The following CPEB4 variants were observed in gnomAD, a reference collection of about 807,000 sequenced individuals.
The protein encoded by CPEB4 is cytoplasmic polyadenylation element binding protein 4.
CPEB4 carries 12 observed loss-of-function variants against 72.5 expected under a neutral mutation model. That is an observed-to-expected ratio of 0.17 (90% CI 0.11 to 0.27). The LOEUF (loss-of-function observed/expected upper bound fraction) is 0.27, where lower values mean the gene tolerates loss of function less well. CPEB4 is among the 10% of genes least tolerant of loss of function. The probability of loss-of-function intolerance (pLI) is 1.00; values close to 1 mark genes in which losing one functional copy is unlikely to be tolerated. For missense variants in CPEB4, 614 were observed against 908.5 expected (o/e 0.68, Z 4.17); for synonymous variants, 302 against 326.3 (o/e 0.93, Z 0.80).
intron 2 of CPEB4, among the ~76,000 whole-genome samples, chr5:173,927,870 A>G (rs1225392810): frequency 6.6e-6 from 1 of 152,232 alleles, no homozygotes; most frequent in East Asian, 1.9e-4. Context: ...GGCTTTATTC[A>G]TAATTGTCAA....
chr5:173,936,577 A>G (rs1447969052), intron 3 of CPEB4, among the ~76,000 whole-genome samples: 2 of 152,172 alleles, frequency 1.3e-5, no homozygotes, highest in Non-Finnish European at 2.9e-5. Context: ...TGTAGTAGGG[A>G]TATAGTTAGA....
intron 2 of CPEB4, among the ~76,000 whole-genome samples, chr5:173,922,845 A>C (rs1290282367): frequency 6.6e-6 from 1 of 152,228 alleles, no homozygotes; most frequent in Non-Finnish European, 1.5e-5. Flanking sequence ...CAACAAATAT[A>C]CATCAGGCAT....
chr5:173,932,476 T>C lies in CPEB4; in HGVS notation c.1234T>C (p.Ser412Pro). 1 of 1,612,842 alleles carries C rather than the reference T, an allele frequency of 6.2e-7. No individual in the cohort carries two copies. Among genetic ancestry groups the C allele is most frequent in the Non-Finnish European group, 8.5e-7 (1 of 1,179,340 alleles). The change falls in exon 3 of 10, where the codon TCC becomes CCC. Residue 412 changes from serine (S) to proline (P), a missense_variant. Around this residue, in one of 5 missense-constraint regions of CPEB4, gnomAD observed 458 missense variants for 548.6 expected, o/e 0.83. Coordinates refer to ENST00000265085, the MANE Select transcript of CPEB4 (RefSeq NM_030627.4). ...TCGTCTAAACTATTCATATCCAGGA[T>C]CCGATAGCTCTCTGCTTATTAATGG... ...KGRLNYSYPG[S>P]DSSLLINART...
chr5:173,901,140 G>T (rs1332003508), intron 1 of CPEB4, among the ~76,000 whole-genome samples: 7 of 152,150 alleles, frequency 4.6e-5, no homozygotes, highest in Non-Finnish European at 8.8e-5. Flanking sequence ...GACAAGAAAT[G>T]TTTATCATTT....
At chr5:173,891,680 A>T (rs1755817000) in intron 1 of CPEB4, 1 of 152,156 alleles carries the variant, frequency 6.6e-6, no homozygotes, top group Non-Finnish European at 1.5e-5. Flanking sequence ...AGAGTCATTG[A>T]TGTTTTTGAA....
At chr5:173,942,477 T>C (rs886371681) in intron 3 of CPEB4, among the ~76,000 whole-genome samples, 9 of 152,238 alleles carry the variant, frequency 5.9e-5, no homozygotes, top group Non-Finnish European at 8.8e-5. Context: ...TAGGACTTGG[T>C]AGAAGACTTG....
chr5:173,938,927 GTGAA>G (rs1274254903), intron 3 of CPEB4, among the ~76,000 whole-genome samples: 2 of 152,176 alleles, frequency 1.3e-5, no homozygotes, highest in Non-Finnish European at 2.9e-5. Context: ...AAAACAAGAA[GTGAA>G]TGCCTTCTTT....
chr5:173,900,580 C>T lies in CPEB4; in HGVS notation c.1125+9722C>T, dbSNP rs1427838697. Among the ~76,000 whole-genome samples the T allele has an allele frequency of 6.6e-6, 1 of 152,184 alleles. No homozygotes were observed. The highest frequency in any genetic ancestry group is 1.5e-5 in the Non-Finnish European group (1 of 68,030). On this transcript the variant is annotated intron_variant, in intron 1 of 9. Transcript: ENST00000265085. The surrounding 1 kb of genome is among the most constrained non-coding windows in gnomAD (Gnocchi z 4.4). Reference sequence around the variant, plus strand: ...TTACCTGCTTTCCTTGAACTAATGACTTCTTGCCCTGAATAGTTTATTAGG... The same window carrying T: ...TTACCTGCTTTCCTTGAACTAATGATTTCTTGCCCTGAATAGTTTATTAGG...
At chr5:173,897,565 A>C (rs1756064069) in intron 1 of CPEB4, among the ~76,000 whole-genome samples, 1 of 152,206 alleles carries the variant, frequency 6.6e-6, no homozygotes, top group African/African-American at 2.4e-5. Context: ...TTTGAGTAAG[A>C]CTGAACATGC....
chr5:173,917,586 C>T (rs1756916891), intron 2 of CPEB4, among the ~76,000 whole-genome samples: 1 of 152,140 alleles, frequency 6.6e-6, no homozygotes, highest in Non-Finnish European at 1.5e-5. Context: ...ATTAGCAGGG[C>T]GCGGTAGCGG....
intron 3 of CPEB4, among the ~76,000 whole-genome samples, chr5:173,933,840 G>A (rs1757527045): frequency 6.6e-6 from 1 of 152,128 alleles, no homozygotes; most frequent in Non-Finnish European, 1.5e-5. Flanking sequence ...GGCCCATCTT[G>A]TTGAGGGTTG....
At chr5:173,893,082 G>A (rs1755875300) in intron 1 of CPEB4, 1 of 151,684 alleles carries the variant, frequency 6.6e-6, no homozygotes, top group South Asian at 2.1e-4. Flanking sequence ...TGAGGAGAGA[G>A]CTAGCAGTGG....
chr5:173,899,580 A>C (rs1756150098), intron 1 of CPEB4, among the ~76,000 whole-genome samples: 1 of 152,042 alleles, frequency 6.6e-6, no homozygotes, highest in Non-Finnish European at 1.5e-5. Context: ...AGTGATTCGA[A>C]ATTTGGGAGG....
chr5:173,932,681 A>G (rs1256429473), intron 3 of CPEB4, among the ~76,000 whole-genome samples, 181 bp downstream of exon 3: 1 of 152,220 alleles, frequency 6.6e-6, no homozygotes, highest in Non-Finnish European at 1.5e-5. Flanking sequence ...TTTCTTTTTA[A>G]TATGAGGGCC....
At position 173,888,433 on chromosome 5, in the gene CPEB4, G is replaced by A. The variant is rs1231468163; in HGVS notation, c.-1301G>A. 1 of 458,352 alleles carries A rather than the reference G, an allele frequency of 2.2e-6. No homozygotes were observed. Among genetic ancestry groups the A allele is most frequent in the Non-Finnish European group, 3.8e-6 (1 of 265,570 alleles). 28.4% of individuals were successfully genotyped at this position (458,352 alleles called of 1,614,324 possible). A position where few individuals can be genotyped will look rare whatever the true frequency, so the allele number is the denominator to read the frequency against. On this transcript the variant is annotated 5_prime_UTR_variant, in exon 1 of 10. Transcript: ENST00000265085. The surrounding 1 kb of genome is among the most constrained non-coding windows in gnomAD (Gnocchi z 4.3). ...GGCGGTGGCGGCGGCGGCGGCGGCA[G>A]CAGCGGCGACAGCAGAGGAGGAAGA...
At chr5:173,908,810 C>A (rs1756537351) in intron 1 of CPEB4, among the ~76,000 whole-genome samples, 1 of 152,052 alleles carries the variant, frequency 6.6e-6, no homozygotes, top group African/African-American at 2.4e-5. Context: ...AAAGTCAAAG[C>A]TTTGAATTTA....
intron 2 of CPEB4, 112 bp from the exon 3 acceptor site, chr5:173,932,338 T>A: frequency 4.3e-6 from 3 of 694,462 alleles, no homozygotes; most frequent in Non-Finnish European, 7.3e-6. Flanking sequence ...ATATATCCTC[T>A]GATTCAAATA....
At position 173,955,040 on chromosome 5, in the gene CPEB4, C is replaced by G. The variant is rs1315283516; in HGVS notation, c.1963-870C>G. ...CATGTTCTTCTCCTTTTGTTCATGG[C>G]TAATCTTGGTCAGGATTCCTTGTCA... On this transcript the variant is annotated intron_variant, in intron 9 of 9. Coordinates refer to ENST00000265085, the MANE Select transcript of CPEB4 (RefSeq NM_030627.4). This position sits in a 1 kb window ranked among gnomAD's most constrained non-coding sequence, Gnocchi z 4.7. 2.0e-5 allele frequency among the ~76,000 whole-genome samples: 3 copies of G among 152,138 alleles called. No individual in the cohort carries two copies. The highest frequency in any genetic ancestry group is 7.2e-5 in the African/African-American group (3 of 41,426).
intron 5 of CPEB4, among the ~76,000 whole-genome samples, chr5:173,946,806 C>A (rs1000376661): frequency 1.3e-5 from 2 of 152,148 alleles, no homozygotes; most frequent in East Asian, 3.8e-4. Flanking sequence ...CATTTATGAA[C>A]CAGTACAACT....
Sources: allele counts gnomAD v4.1 joint callset (sites outside exome capture counted in the v4.1 genomes callset), GRCh38; gene constraint gnomAD v4.1.1; regional missense constraint gnomAD v4.1.1; non-coding constraint Gnocchi (gnomAD v3.1); transcripts MANE v1.5; gene names NCBI Gene and HGNC (gene_info 2026-07-23, HGNC 2026-07-21).